Variants in DCT observed in about 807,000 individuals in gnomAD.
DCT encodes dopachrome tautomerase.
DCT carries 47 observed loss-of-function variants against 53.0 expected under a neutral mutation model. The observed-to-expected ratio is 0.89, with a 90% CI of 0.70 to 1.13. The LOEUF is 1.13. DCT is among the 50% of genes most tolerant of loss of function. DCT has a pLI of 0.00. For synonymous variants in DCT, 244 were observed against 237.0 expected (o/e 1.03, Z -0.27); for missense variants, 669 against 637.4 (o/e 1.05, Z -0.53).
chr13:94,518,277 A>T, the DCT span, among the ~76,000 whole-genome samples: 1,776 of 152,276 alleles, frequency 0.012, 34 homozygotes, highest in African/African-American at 0.041. Context: ...ATACCACCCA[A>T]AATTGATATC....
chr13:94,468,594 G>A lies in DCT; in HGVS notation c.595+152C>T. 7.2e-6 allele frequency: 5 copies of A among 698,604 alleles called. No individual in the cohort carries two copies. The South Asian group carries it at 9.0e-5, about 13-fold the overall frequency. The allele number at this position is 698,604 out of a possible 1,614,324, so 43.3% of individuals were successfully genotyped here. On this transcript the variant is annotated intron_variant, in intron 2 of 7. Coordinates refer to ENST00000377028, the MANE Select transcript of DCT (RefSeq NM_001922.5). The stretch of plus-strand genomic sequence containing the variant: ...AGAAACTGCTTCCTTCTAACTCCAG[G>A]CGGTATTTGATAATTCTACGACTTT...
At chr13:94,459,287 T>A (rs1883621127) in intron 6 of DCT, among the ~76,000 whole-genome samples, 1 of 152,184 alleles carries the variant, frequency 6.6e-6, no homozygotes, top group African/African-American at 2.4e-5. Flanking sequence ...TCAACAGCAA[T>A]CCTATTTACT....
chr13:94,535,490 G>A, the DCT span, among the ~76,000 whole-genome samples: 1 of 152,236 alleles, frequency 6.6e-6, no homozygotes, highest in African/African-American at 2.4e-5. Flanking sequence ...ATATAAATCT[G>A]TCAGATAAGG....
chr13:94,498,615 G>A, the DCT span, among the ~76,000 whole-genome samples: 4 of 152,210 alleles, frequency 2.6e-5, no homozygotes, highest in Non-Finnish European at 5.9e-5. Flanking sequence ...ATCAACACTT[G>A]TTGTTGAAGC....
the DCT span, among the ~76,000 whole-genome samples, chr13:94,534,893 A>G: frequency 2.0e-5 from 3 of 152,318 alleles, no homozygotes; most frequent in African/African-American, 4.8e-5. Context: ...TCTTTCCCCA[A>G]TGCCATCCAA....
chr13:94,465,657 G>A lies in DCT; in HGVS notation c.839C>T (p.Ser280Phe). 3 of 1,613,436 alleles carry A rather than the reference G, an allele frequency of 1.9e-6. No individual in the cohort carries two copies. The highest frequency in any genetic ancestry group is 2.5e-6 in the Non-Finnish European group (3 of 1,179,778). The change falls in exon 4 of 8, where the codon TCC becomes TTC. Residue 280 changes from serine to phenylalanine, a missense_variant. By Grantham distance (155) the Ser-to-Phe change is radical. Coordinates refer to ENST00000377028, the MANE Select transcript of DCT (RefSeq NM_001922.5). ...CCTATCACAGACAGTTTCCCAGCTG[G>A]AGAATCTTGAGTTCCGACTAATCAG... ...PTLISRNSRF[S>F]SWETVCDSLD...
At chr13:94,453,898 G>A (rs1883253833) in intron 6 of DCT, among the ~76,000 whole-genome samples, 1 of 152,142 alleles carries the variant, frequency 6.6e-6, no homozygotes, top group Admixed American at 6.6e-5. Flanking sequence ...TTTATCAGCA[G>A]CATGAAAACA....
chr13:94,477,541 C>T (rs1165716465), intron 1 of DCT, among the ~76,000 whole-genome samples: 1 of 152,196 alleles, frequency 6.6e-6, no homozygotes, highest in East Asian at 1.9e-4. Context: ...CTGGGTGCTT[C>T]GCACACTACC....
At chr13:94,469,430 C>A (rs1369933128) in intron 1 of DCT, among the ~76,000 whole-genome samples, 1 of 151,996 alleles carries the variant, frequency 6.6e-6, no homozygotes, top group Non-Finnish European at 1.5e-5. Flanking sequence ...GACTGGTGTC[C>A]TCAAAAGAAG....
At chr13:94,526,100 G>A in the DCT span, among the ~76,000 whole-genome samples, 3 of 152,336 alleles carry the variant, frequency 2.0e-5, no homozygotes, top group Non-Finnish European at 4.4e-5. Flanking sequence ...ATTATCTACA[G>A]CAAGCTGACA....
At chr13:94,519,981 C>A in the DCT span, among the ~76,000 whole-genome samples, 1 of 152,188 alleles carries the variant, frequency 6.6e-6, no homozygotes, top group East Asian at 1.9e-4. Flanking sequence ...CCCTATCTGA[C>A]TCTAAGATGT....
intron 1 of DCT, among the ~76,000 whole-genome samples, chr13:94,476,999 T>C (rs929458384): frequency 1.3e-5 from 2 of 152,232 alleles, no homozygotes; most frequent in Non-Finnish European, 2.9e-5. Context: ...ATTTTTGTCA[T>C]GATTAATACC....
chr13:94,532,563 A>G, the DCT span, among the ~76,000 whole-genome samples: 1 of 152,126 alleles, frequency 6.6e-6, no homozygotes, highest in African/African-American at 2.4e-5. Flanking sequence ...ACATGTTCTC[A>G]CTCATAGGTG....
Position 94,479,211 on chromosome 13 carries a change from G to C in DCT, c.45C>G (p.Cys15Trp). ...WWGFLLSCLGCKILPGAQGQF... is the reference protein window; with the variant it reads ...WWGFLLSCLGWKILPGAQGQF... ...GACCCTGGGCTCCTGGCAGGATTTT[G>C]CAGCCCAAGCAACTGAGCAGAAACC... The change falls in exon 1 of 8, where the codon TGC becomes TGG. Residue 15 changes from cysteine (C) to tryptophan (W), a missense_variant. Physicochemically the swap from Cys to Trp is radical, Grantham distance 215 (BLOSUM62 -2). Transcript: ENST00000377028. 1 of 1,606,508 alleles carries C rather than the reference G, an allele frequency of 6.2e-7. No homozygotes were observed.
the DCT span, among the ~76,000 whole-genome samples, chr13:94,498,881 G>A: frequency 3.3e-5 from 5 of 152,258 alleles, no homozygotes; most frequent in Admixed American, 6.5e-5. Flanking sequence ...GCACCAGTCA[G>A]CACTCTGTAA....
intron 1 of DCT, among the ~76,000 whole-genome samples, chr13:94,475,502 C>T (rs375787554): frequency 3.9e-5 from 6 of 151,998 alleles, no homozygotes; most frequent in South Asian, 4.2e-4. Flanking sequence ...AAGTACACGA[C>T]GGAATTGTGG....
At chr13:94,524,335 G>A in the DCT span, among the ~76,000 whole-genome samples, 3 of 152,240 alleles carry the variant, frequency 2.0e-5, no homozygotes, top group African/African-American at 4.8e-5. Context: ...TGTGGCTACC[G>A]CCTTATGTCT....
upstream of DCT, among the ~76,000 whole-genome samples, chr13:94,483,801 G>T (rs9301962): frequency 0.13 from 19,395 of 152,052 alleles, 1,301 homozygotes; most frequent in South Asian, 0.19. Context: ...ACCGTGCCCG[G>T]CCCATATGAC....
At chr13:94,486,453 G>C in the DCT span, among the ~76,000 whole-genome samples, 1 of 152,128 alleles carries the variant, frequency 6.6e-6, no homozygotes, top group Non-Finnish European at 1.5e-5. Flanking sequence ...TGAGAATAAG[G>C]GTTGGGCTCC....
Sources: allele counts gnomAD v4.1 joint callset (sites outside exome capture counted in the v4.1 genomes callset), GRCh38; gene constraint gnomAD v4.1.1; transcripts MANE v1.5; gene names NCBI Gene and HGNC (gene_info 2026-07-23, HGNC 2026-07-21).